Variants in NME9 observed in about 807,000 individuals in gnomAD.
The protein encoded by NME9 is NME/NM23 family member 9.
Under a neutral mutation model 44.4 loss-of-function variants are expected in NME9, and 48 were observed. That is an observed-to-expected ratio of 1.08 (90% confidence interval 0.86 to 1.37). NME9 has a LOEUF of 1.37. Ranked by LOEUF, NME9 falls within the 40% of genes most tolerant of loss-of-function variation. The pLI is 0.00. For missense variants in NME9, 325 were observed against 405.2 expected (o/e 0.80, Z 1.70); for synonymous variants, 139 against 147.1 (o/e 0.94, Z 0.40).
At chr3:138,305,932 T>G in intron 8 of NME9, 72 bp downstream of exon 8, 1 of 1,000,988 alleles carries the variant, frequency 1.0e-6, no homozygotes, top group Non-Finnish European at 1.6e-6. Flanking sequence ...CAAACTGATA[T>G]CAATCTATAA....
intron 8 of NME9, among the ~76,000 whole-genome samples, chr3:138,286,781 C>T (rs1429896224): frequency 6.6e-6 from 1 of 152,192 alleles, no homozygotes; most frequent in Non-Finnish European, 1.5e-5. Flanking sequence ...CTTATACTAT[C>T]ATCACTGTGC....
intron 2 of NME9, among the ~76,000 whole-genome samples, chr3:138,320,882 T>A (rs1178944996): frequency 6.6e-6 from 1 of 152,150 alleles, no homozygotes; most frequent in African/African-American, 2.4e-5. Context: ...AGAAGCTCTA[T>A]CCTGAATCAC....
intron 2 of NME9, among the ~76,000 whole-genome samples, chr3:138,322,920 A>AT (rs1029202344): frequency 7.2e-5 from 11 of 152,120 alleles, no homozygotes; most frequent in Non-Finnish European, 5.9e-5. Flanking sequence ...AGAAATAATG[A>AT]TTTTTTTCAC....
At chr3:138,295,194 C>G (rs1025777042) in intron 8 of NME9, among the ~76,000 whole-genome samples, 1 of 152,176 alleles carries the variant, frequency 6.6e-6, no homozygotes, top group Non-Finnish European at 1.5e-5. Context: ...CCACAGCACC[C>G]GGCCTACATT....
At position 138,263,959 on chromosome 3, in the gene NME9, A is replaced by G. The variant is rs1324022812; in HGVS notation, c.746-1373T>C. ...CAGGTGAATTCATAGAGTATATAAC[A>G]TTGTCTAACAGAGAGCCTGGCCTCC... is the stretch of plus-strand genomic sequence containing the variant. On this transcript the variant is annotated intron_variant, in intron 8 of 8. Coordinates refer to the NME9 transcript ENST00000317876. 8 of 981,368 alleles carry G rather than the reference A, an allele frequency of 8.2e-6. No individual in the cohort carries two copies. In the South Asian group the frequency reaches 8.5e-5, roughly 10 times the overall value. 60.8% of individuals were successfully genotyped at this position (981,368 alleles called of 1,614,324 possible).
At chr3:138,296,116 T>C (rs963850718), downstream of NME9, 2 of 490,292 alleles carry the variant, frequency 4.1e-6, no homozygotes, top group Non-Finnish European at 7.2e-6. Flanking sequence ...GGTTTTTTTT[T>C]CTGAGCTACT....
chr3:138,281,304 T>C (rs1009496619), intron 8 of NME9, among the ~76,000 whole-genome samples: 1 of 151,950 alleles, frequency 6.6e-6, no homozygotes, highest in Non-Finnish European at 1.5e-5. Context: ...TTTTCTTTTT[T>C]TTTTTTTGAT....
intron 8 of NME9, among the ~76,000 whole-genome samples, chr3:138,292,852 G>T (rs928891132): frequency 6.6e-6 from 1 of 152,154 alleles, no homozygotes. Context: ...CAGCATTTAG[G>T]CAGTGATGAG....
intron 8 of NME9, chr3:138,270,248 T>C: frequency 1.2e-6 from 1 of 802,712 alleles, no homozygotes; most frequent in Non-Finnish European, 1.9e-6. Context: ...AAAATCTGGC[T>C]ATTTTGTTCT....
chr3:138,272,481 C>T (rs1233764842), intron 8 of NME9, among the ~76,000 whole-genome samples: 1 of 152,076 alleles, frequency 6.6e-6, no homozygotes, highest in Non-Finnish European at 1.5e-5. Context: ...GTAACAGTTA[C>T]GTTTCTCTTG....
At chr3:138,281,747 C>A (rs547098225) in intron 8 of NME9, among the ~76,000 whole-genome samples, 67 of 152,268 alleles carry the variant, frequency 4.4e-4, no homozygotes, top group African/African-American at 1.6e-3. Context: ...GAATTACTCA[C>A]CTGTCTTGCT....
chr3:138,281,529 A>AT (rs963797540), intron 8 of NME9, among the ~76,000 whole-genome samples: 9 of 151,998 alleles, frequency 5.9e-5, no homozygotes, highest in Admixed American at 1.3e-4. Flanking sequence ...TTGACCTCGT[A>AT]ATCCACCCGC....
chr3:138,265,352 A>C (rs2048179076), intron 8 of NME9, among the ~76,000 whole-genome samples: 1 of 152,222 alleles, frequency 6.6e-6, no homozygotes, highest in African/African-American at 2.4e-5. Flanking sequence ...GATACACTAC[A>C]AAACTTGGTC....
At chr3:138,272,946 C>G in intron 8 of NME9, 1 of 1,504,730 alleles carries the variant, frequency 6.6e-7, no homozygotes, top group African/African-American at 1.4e-5. Flanking sequence ...ATGATTCTTG[C>G]AACTTCTTTA....
At chr3:138,327,333 T>C (rs1434409337) in intron 1 of NME9, among the ~76,000 whole-genome samples, 3 of 151,946 alleles carry the variant, frequency 2.0e-5, no homozygotes, top group African/African-American at 7.3e-5. Context: ...AGGAAGGTGA[T>C]AGAAGCGTTC....
chr3:138,307,065 G>A (rs867821167), intron 6 of NME9, among the ~76,000 whole-genome samples: 1 of 152,188 alleles, frequency 6.6e-6, no homozygotes, highest in Non-Finnish European at 1.5e-5. Context: ...TCTGCATGAT[G>A]TTCCATGACT....
intron 8 of NME9, among the ~76,000 whole-genome samples, chr3:138,268,677 G>C (rs189493011): frequency 1.3e-5 from 2 of 152,022 alleles, no homozygotes; most frequent in African/African-American, 4.8e-5. Context: ...TCGAGAGGCC[G>C]AGGCAGGAGA....
chr3:138,300,880 TGAGGAAGC>T (rs1477142290), downstream of NME9: 8 of 167,314 alleles, frequency 4.8e-5, no homozygotes, highest in Admixed American at 1.3e-4. Context: ...GCAGGCAGTG[TGAGGAAGC>T]ATTTGGAGCC....
chr3:138,264,875 T>C (rs1475537904), intron 8 of NME9, among the ~76,000 whole-genome samples: 1 of 151,834 alleles, frequency 6.6e-6, no homozygotes, highest in African/African-American at 2.4e-5. Flanking sequence ...GTGTTGTTCT[T>C]AGTCTCGGCA....
Sources: allele counts gnomAD v4.1 joint callset (sites outside exome capture counted in the v4.1 genomes callset), GRCh38; gene constraint gnomAD v4.1.1; transcripts MANE v1.5; gene names NCBI Gene and HGNC (gene_info 2026-07-23, HGNC 2026-07-21).